The following SDK1 variants were observed in gnomAD, a reference collection of about 807,000 sequenced individuals.
The protein encoded by SDK1 is protein sidekick-1.
Under a neutral mutation model 245.5 loss-of-function variants are expected in SDK1, and 157 were observed. That is an observed-to-expected ratio of 0.64 (90% confidence interval 0.56 to 0.73). The LOEUF is 0.73. Among genes scored for constraint, SDK1 ranks in the 30% least tolerant of loss-of-function variants. The pLI is 0.00. For synonymous variants in SDK1, 1,647 were observed against 1,278.5 expected (o/e 1.29, Z -6.15); for missense variants, 3,583 against 3,002.3 (o/e 1.19, Z -4.52).
intron 1 of SDK1, among the ~76,000 whole-genome samples, chr7:3,572,551 G>A (rs1036152666): frequency 6.6e-6 from 1 of 152,060 alleles, no homozygotes. Context: ...CCCAACATAA[G>A]AGTGCCTAGC....
chr7:3,872,559 T>A (rs1780982821), intron 5 of SDK1, among the ~76,000 whole-genome samples: 1 of 150,262 alleles, frequency 6.7e-6, no homozygotes, highest in Admixed American at 6.7e-5. Context: ...GAATTTATGG[T>A]CATAGGATTG....
chr7:4,253,649 G>C (rs1379787188), intron 44 of SDK1, among the ~76,000 whole-genome samples: 1 of 152,134 alleles, frequency 6.6e-6, no homozygotes, highest in Non-Finnish European at 1.5e-5. Flanking sequence ...TGTAGGTCTA[G>C]CTGATTTATC....
At chr7:3,531,957 A>T (rs1460428427) in intron 1 of SDK1, among the ~76,000 whole-genome samples, 1 of 152,214 alleles carries the variant, frequency 6.6e-6, no homozygotes, top group Non-Finnish European at 1.5e-5. Context: ...TTATCTGGTC[A>T]TTTTCCAGAA....
intron 30 of SDK1, among the ~76,000 whole-genome samples, chr7:4,151,648 C>A (rs1780390898): frequency 6.6e-6 from 1 of 152,200 alleles, no homozygotes; most frequent in Admixed American, 6.5e-5. Flanking sequence ...TCGTCGCCAT[C>A]ATTATTTCCG....
chr7:3,420,073 C>T (rs1053221345), intron 1 of SDK1, among the ~76,000 whole-genome samples: 3 of 152,194 alleles, frequency 2.0e-5, no homozygotes, highest in African/African-American at 7.2e-5. Context: ...CAGTGGCAAA[C>T]TGGAGAGCTT....
At chr7:3,703,628 T>A (rs1784804330) in intron 4 of SDK1, among the ~76,000 whole-genome samples, 1 of 152,346 alleles carries the variant, frequency 6.6e-6, no homozygotes, top group African/African-American at 2.4e-5. Context: ...CAATGCATTG[T>A]ATTTCCTTAA....
intron 17 of SDK1, among the ~76,000 whole-genome samples, chr7:4,037,772 G>A (rs1014136408): frequency 6.6e-6 from 1 of 152,126 alleles, no homozygotes; most frequent in African/African-American, 2.4e-5. Flanking sequence ...AGCTTTATAG[G>A]CCATCTTTTA....
At chr7:3,890,929 C>A (rs1781443240) in intron 5 of SDK1, among the ~76,000 whole-genome samples, 1 of 152,160 alleles carries the variant, frequency 6.6e-6, no homozygotes, top group Non-Finnish European at 1.5e-5. Flanking sequence ...TAGAATCCAT[C>A]TCAAAACACC....
chr7:3,548,053 G>A (rs1378730232), intron 1 of SDK1, among the ~76,000 whole-genome samples: 2 of 152,146 alleles, frequency 1.3e-5, no homozygotes. Flanking sequence ...TGTCTCCCCA[G>A]TTTTTGAAAA....
intron 35 of SDK1, among the ~76,000 whole-genome samples, chr7:4,188,009 C>G (rs1435052971): frequency 6.6e-6 from 1 of 152,094 alleles, no homozygotes; most frequent in Non-Finnish European, 1.5e-5. Context: ...GAGAGCCAAC[C>G]CCTTATAAAA....
intron 1 of SDK1, among the ~76,000 whole-genome samples, chr7:3,492,310 C>T (rs551160034): frequency 7.2e-5 from 11 of 152,164 alleles, no homozygotes; most frequent in South Asian, 2.1e-4. Flanking sequence ...CTGGCTAACA[C>T]GGTGAAACCC....
At position 3,349,126 on chromosome 7, in the gene SDK1, C is replaced by T. The variant is rs750246855; in HGVS notation, c.298+47242C>T. Among the ~76,000 whole-genome samples the T allele has an allele frequency of 5.3e-5, 8 of 152,078 alleles. No homozygotes were observed. In the South Asian group the frequency reaches 1.5e-3, roughly 28 times the overall value. ...TTCCCTTCTGGATTCTTGCTCCTCT[C>T]CTACTTCTGCTGCCTCCTTCCTCAG... On this transcript the variant is annotated intron_variant, in intron 1 of 44. Coordinates refer to ENST00000404826, the MANE Select transcript of SDK1 (RefSeq NM_152744.4).
At chr7:3,458,591 C>T (rs1780740252) in intron 1 of SDK1, among the ~76,000 whole-genome samples, 1 of 151,858 alleles carries the variant, frequency 6.6e-6, no homozygotes, top group African/African-American at 2.4e-5. Context: ...GAAACAGAAC[C>T]ATCTACAAGT....
At chr7:3,435,517 G>GATT (rs144741150) in intron 1 of SDK1, among the ~76,000 whole-genome samples, 14 of 149,970 alleles carry the variant, frequency 9.3e-5, no homozygotes, top group East Asian at 5.8e-4. Context: ...TTATGATTAT[G>GATT]ATTATTATTA....
At chr7:4,011,186 A>G (rs1262347652) in intron 15 of SDK1, 73 bp downstream of exon 15, 9 of 1,539,938 alleles carry the variant, frequency 5.8e-6, no homozygotes, top group Admixed American at 1.9e-5. Context: ...GCATCACATT[A>G]TGTGGTGGAA....
intron 44 of SDK1, among the ~76,000 whole-genome samples, chr7:4,263,255 T>G (rs902597220): frequency 1.5e-5 from 2 of 136,116 alleles, no homozygotes; most frequent in African/African-American, 2.7e-5. Flanking sequence ...GCAGCCCACA[T>G]CTTAGTCTCA....
chr7:3,384,118 G>A (rs1343250404), intron 1 of SDK1, among the ~76,000 whole-genome samples: 1 of 152,070 alleles, frequency 6.6e-6, no homozygotes, highest in African/African-American at 2.4e-5. Context: ...GTATTTATTT[G>A]AAATGAAACT....
At chr7:3,635,378 G>T (rs1048622795) in intron 2 of SDK1, among the ~76,000 whole-genome samples, 4 of 152,200 alleles carry the variant, frequency 2.6e-5, no homozygotes, top group Admixed American at 1.3e-4. Flanking sequence ...TGAATTACCT[G>T]TGTTGTCCAA....
intron 5 of SDK1, among the ~76,000 whole-genome samples, chr7:3,838,173 G>C (rs1780067774): frequency 6.6e-6 from 1 of 152,264 alleles, no homozygotes; most frequent in Non-Finnish European, 1.5e-5. Flanking sequence ...ACCCCGAAGA[G>C]ATGGTTGGTA....
Sources: allele counts gnomAD v4.1 joint callset (sites outside exome capture counted in the v4.1 genomes callset), GRCh38; gene constraint gnomAD v4.1.1; transcripts MANE v1.5; gene names NCBI Gene and HGNC (gene_info 2026-07-23, HGNC 2026-07-21).